The following RABGAP1 variants were observed in gnomAD, a reference collection of about 807,000 sequenced individuals.
RABGAP1 encodes rab GTPase-activating protein 1.
Under a neutral mutation model 137.6 loss-of-function variants are expected in RABGAP1, and 23 were observed. The ratio of observed to expected loss-of-function variants is 0.17; its 90% CI spans 0.12 to 0.24. The LOEUF (loss-of-function observed/expected upper bound fraction) is 0.24. Ranked by LOEUF, RABGAP1 falls within the 10% of genes least tolerant of loss-of-function variation. The pLI, the probability that RABGAP1 is intolerant of heterozygous loss-of-function variation, is 1.00. For missense variants in RABGAP1, 906 were observed against 1,275.8 expected (o/e 0.71, Z 4.42); for synonymous variants, 451 against 450.7 (o/e 1.00, Z -0.01).
At chr9:123,088,355 C>G (rs2132206103) in intron 19 of RABGAP1, among the ~76,000 whole-genome samples, 1 of 152,200 alleles carries the variant, frequency 6.6e-6, no homozygotes, top group African/African-American at 2.4e-5. Flanking sequence ...CAGCCATAAT[C>G]AGTCCTTAAA....
intron 1 of RABGAP1, among the ~76,000 whole-genome samples, chr9:122,954,887 T>C (rs1336152098): frequency 2.0e-5 from 3 of 152,194 alleles, no homozygotes; most frequent in African/African-American, 7.2e-5. Flanking sequence ...TCTCTAAGAC[T>C]TAATTTCCTC....
chr9:123,021,987 G>A (rs2031668787), intron 13 of RABGAP1, among the ~76,000 whole-genome samples: 1 of 152,128 alleles, frequency 6.6e-6, no homozygotes. Flanking sequence ...ATAGAAAGAT[G>A]GGTACAGCAT....
intron 7 of RABGAP1, 119 bp downstream of exon 7, chr9:122,996,270 AT>A (rs1415370258): frequency 6.3e-6 from 9 of 1,426,032 alleles, no homozygotes; most frequent in Non-Finnish European, 8.2e-6. Context: ...CTAGGAAATT[AT>A]TTTGTTTACT....
At chr9:123,056,769 G>C (rs533308564) in intron 13 of RABGAP1, among the ~76,000 whole-genome samples, 1 of 151,958 alleles carries the variant, frequency 6.6e-6, no homozygotes, top group African/African-American at 2.4e-5. Flanking sequence ...TGGACACAGC[G>C]CGTTTCAGAG....
At chr9:123,099,693 T>C (rs2035285319) in intron 24 of RABGAP1, 144 bp downstream of exon 24, 8 of 659,548 alleles carry the variant, frequency 1.2e-5, no homozygotes, top group East Asian at 5.5e-5. Flanking sequence ...GGCTCAGTAG[T>C]TGACAACTAA....
chr9:122,949,559 G>T (rs1834114263), intron 1 of RABGAP1, among the ~76,000 whole-genome samples: 1 of 151,774 alleles, frequency 6.6e-6, no homozygotes, highest in Non-Finnish European at 1.5e-5. Context: ...GCTGGGCGTG[G>T]TGGTGCATGC....
At chr9:122,993,175 G>A (rs1359164546) in intron 6 of RABGAP1, among the ~76,000 whole-genome samples, 1 of 152,068 alleles carries the variant, frequency 6.6e-6, no homozygotes, top group Non-Finnish European at 1.5e-5. Flanking sequence ...TATAACACAA[G>A]ATTTACTGTG....
At chr9:123,084,701 G>A (rs988178872) in intron 19 of RABGAP1, among the ~76,000 whole-genome samples, 6 of 152,172 alleles carry the variant, frequency 3.9e-5, no homozygotes, top group Admixed American at 1.3e-4. Flanking sequence ...AGGTAATAAC[G>A]ACAAATAGTA....
intron 10 of RABGAP1, among the ~76,000 whole-genome samples, chr9:123,002,163 T>C (rs1310757359): frequency 2.6e-5 from 4 of 151,876 alleles, no homozygotes; most frequent in African/African-American, 9.7e-5. Context: ...TAGCCAGGCG[T>C]AGTGGCGCAT....
At chr9:123,091,716 GCTC>G (rs2035037358) in intron 21 of RABGAP1, among the ~76,000 whole-genome samples, 2 of 151,958 alleles carry the variant, frequency 1.3e-5, no homozygotes, top group Non-Finnish European at 2.9e-5. Context: ...AACAGGGAAG[GCTC>G]CTCTTTGCAG....
At chr9:123,037,971 A>T (rs553623184) in intron 13 of RABGAP1, among the ~76,000 whole-genome samples, 1 of 152,208 alleles carries the variant, frequency 6.6e-6, no homozygotes, top group Non-Finnish European at 1.5e-5. Flanking sequence ...TTTATATGGC[A>T]TGTGACTGGT....
At chr9:122,986,685 G>A (rs1836389258) in intron 4 of RABGAP1, among the ~76,000 whole-genome samples, 1 of 152,166 alleles carries the variant, frequency 6.6e-6, no homozygotes, top group South Asian at 2.1e-4. Context: ...ATTGACATGA[G>A]TCAGCCTAAA....
intron 11 of RABGAP1, among the ~76,000 whole-genome samples, chr9:123,013,677 C>T (rs1363985898): frequency 6.6e-6 from 1 of 152,138 alleles, no homozygotes; most frequent in Non-Finnish European, 1.5e-5. Context: ...TATAGAAGAT[C>T]TCTCACATTC....
chr9:123,035,596 C>T (rs1484341286), intron 13 of RABGAP1: 2 of 1,593,062 alleles, frequency 1.3e-6, no homozygotes, highest in South Asian at 2.3e-5. Context: ...CAAAGGCCCT[C>T]TTAATGGATG....
At chr9:122,963,972 T>C (rs1834991392) in intron 2 of RABGAP1, among the ~76,000 whole-genome samples, 1 of 152,184 alleles carries the variant, frequency 6.6e-6, no homozygotes, top group Non-Finnish European at 1.5e-5. Context: ...TGTGTGCCCA[T>C]AAATAGGTAA....
intron 14 of RABGAP1, among the ~76,000 whole-genome samples, chr9:123,069,300 G>A (rs1376193903): frequency 6.6e-6 from 1 of 152,200 alleles, no homozygotes; most frequent in Non-Finnish European, 1.5e-5. Context: ...TTTGCCAAAA[G>A]AGCTTTTCCC....
chr9:122,935,646 A>G, the RABGAP1 span, among the ~76,000 whole-genome samples: 2 of 152,186 alleles, frequency 1.3e-5, no homozygotes, highest in African/African-American at 4.8e-5. Context: ...CAGACAACAT[A>G]AATATTTTTT....
Position 123,070,702 on chromosome 9 carries a change from G to C in RABGAP1, c.1983+278G>C, listed in dbSNP as rs1250739301. 6.6e-6 allele frequency among the ~76,000 whole-genome samples: 1 copy of C among 152,106 alleles called. No homozygotes were observed. The highest frequency in any genetic ancestry group is 2.4e-5 in the African/African-American group (1 of 41,410). ...ACTTTAATGTTGGTTGAACTCTTGG[G>C]GACGTTTTATCTTCTCTAAAGTAGC... On this transcript the variant is annotated intron_variant, in intron 15 of 25. Transcript: ENST00000373647. This position sits in a 1 kb window ranked among gnomAD's most constrained non-coding sequence, Gnocchi z 4.4.
intron 13 of RABGAP1, 100 bp from the exon 14 acceptor site, chr9:123,065,248 C>A: frequency 1.2e-6 from 1 of 829,232 alleles, no homozygotes; most frequent in Non-Finnish European, 2.0e-6. Flanking sequence ...TATGTCCCTG[C>A]AACATTTAAA....
Sources: gnomAD v4.1 joint callset for allele counts (sites outside exome capture counted in the v4.1 genomes callset) on GRCh38, gnomAD v4.1.1 for gene constraint, Gnocchi (gnomAD v3.1) non-coding constraint, MANE v1.5 for transcripts, NCBI Gene and HGNC (gene_info 2026-07-23, HGNC 2026-07-21) for gene names.